Variants in LEKR1 observed in about 807,000 individuals in gnomAD.
The protein encoded by LEKR1 is leucine, glutamate and lysine rich 1.
Under a neutral mutation model 72.4 loss-of-function variants are expected in LEKR1, and 59 were observed. The ratio of observed to expected loss-of-function variants is 0.82; its 90% confidence interval spans 0.66 to 1.01. The LOEUF (loss-of-function observed/expected upper bound fraction) is 1.01. Ranked by LOEUF, LEKR1 falls within the 50% of genes least tolerant of loss-of-function variation. The probability of loss-of-function intolerance (pLI) is 0.00; values close to 1 mark genes in which losing one functional copy is unlikely to be tolerated. For missense variants in LEKR1, 728 were observed against 759.2 expected (o/e 0.96, Z 0.48); for synonymous variants, 257 against 263.2 (o/e 0.98, Z 0.23).
At chr3:156,883,253 C>A (rs548156538) in intron 3 of LEKR1, among the ~76,000 whole-genome samples, 1 of 152,166 alleles carries the variant, frequency 6.6e-6, no homozygotes, top group African/African-American at 2.4e-5. Context: ...GCCCATTTTC[C>A]CCATTTGGAA....
At chr3:157,026,802 A>G (rs1449179511) in intron 11 of LEKR1, among the ~76,000 whole-genome samples, 1 of 152,190 alleles carries the variant, frequency 6.6e-6, no homozygotes, top group African/African-American at 2.4e-5. Flanking sequence ...AGTAATAAAG[A>G]TATGTTTCAT....
Position 156,852,861 on chromosome 3 carries a change from G to GA in LEKR1, c.147dup (p.Glu50ArgfsTer12), listed in dbSNP as rs1369347151. On this transcript the variant is annotated frameshift_variant, in exon 3 of 13. Transcript: ENST00000356539. LOFTEE classifies it high-confidence loss of function. ...TATGGAAGAAAAAGTGAAAGCAATG[G>GA]AAAAAGAGATGAAATTTTATCAAGG... 9 of 1,534,688 alleles carry GA rather than the reference G, an allele frequency of 5.9e-6. No individual in the cohort carries two copies. The South Asian group carries it at 1.1e-4, about 18-fold the overall frequency.
In LEKR1 at chr3:156,920,768, C is replaced by T. The variant is rs1475032114; in HGVS notation, c.383+74C>T. 4 of 794,242 alleles carry T rather than the reference C, an allele frequency of 5.0e-6. No individual in the cohort carries two copies. In the African/African-American group the frequency reaches 5.5e-5, roughly 11 times the overall value. 49.2% of individuals were successfully genotyped at this position (794,242 alleles called of 1,614,324 possible). On this transcript the variant is annotated intron_variant, in intron 4 of 12. Coordinates refer to ENST00000356539, the MANE Select transcript of LEKR1 (RefSeq NM_001004316.3). The stretch of plus-strand genomic sequence containing the variant: ...TACTAACTTTGTAAATAGCCAAACA[C>T]ATTTTAGTAATATGGTTTCTATATC...
chr3:157,013,240 C>A (rs939193909), intron 10 of LEKR1, among the ~76,000 whole-genome samples: 1 of 152,102 alleles, frequency 6.6e-6, no homozygotes, highest in Non-Finnish European at 1.5e-5. Context: ...ATGGAGTAAA[C>A]TTTCCTGCTT....
chr3:157,021,864 TATTA>T (rs1319615024), intron 10 of LEKR1, among the ~76,000 whole-genome samples: 1 of 152,108 alleles, frequency 6.6e-6, no homozygotes, highest in Non-Finnish European at 1.5e-5. Context: ...ACTATGTGAC[TATTA>T]ATTATTAATA....
chr3:156,910,350 C>A (rs1722987850), intron 3 of LEKR1, among the ~76,000 whole-genome samples: 2 of 152,162 alleles, frequency 1.3e-5, no homozygotes, highest in Admixed American at 1.3e-4. Flanking sequence ...GTCTTTAGCT[C>A]TCACTTGTAA....
At chr3:156,837,107 G>C (rs1713250288) in intron 2 of LEKR1, among the ~76,000 whole-genome samples, 3 of 152,238 alleles carry the variant, frequency 2.0e-5, no homozygotes, top group Admixed American at 6.5e-5. Flanking sequence ...AGTTTCAGTA[G>C]TGACTTAATC....
intron 9 of LEKR1, among the ~76,000 whole-genome samples, chr3:157,008,022 T>C (rs1287328634): frequency 6.6e-6 from 1 of 152,232 alleles, no homozygotes; most frequent in Non-Finnish European, 1.5e-5. Flanking sequence ...AAGAAAGCCC[T>C]GAGTAAAATT....
chr3:156,867,317 A>G (rs989677658), intron 3 of LEKR1, among the ~76,000 whole-genome samples: 31 of 152,114 alleles, frequency 2.0e-4, no homozygotes, highest in Non-Finnish European at 1.6e-4. Flanking sequence ...TTCTTGAACA[A>G]TAAACTCAAT....
chr3:156,880,550 C>G lies in LEKR1; in HGVS notation c.263+27568C>G, dbSNP rs541022203. Among the ~76,000 whole-genome samples, 10 of 152,318 alleles carry G rather than the reference C, an allele frequency of 6.6e-5. 1 individual carries two copies. The South Asian group carries it at 2.1e-3, about 32-fold the overall frequency. ...AAGAGTCCAGGACCAGATGGATTCACAGCTGAATTCTACCAGAGGTACAAG... is the reference window on the plus strand; with the variant it reads ...AAGAGTCCAGGACCAGATGGATTCAGAGCTGAATTCTACCAGAGGTACAAG... On this transcript the variant is annotated intron_variant, in intron 3 of 12. Coordinates refer to ENST00000356539, the MANE Select transcript of LEKR1 (RefSeq NM_001004316.3).
chr3:156,942,121 C>G (rs1431573170), intron 5 of LEKR1, among the ~76,000 whole-genome samples: 1 of 151,766 alleles, frequency 6.6e-6, no homozygotes, highest in Non-Finnish European at 1.5e-5. Flanking sequence ...CTAGTTAACC[C>G]CTTAGAAATG....
At chr3:156,912,605 G>GC (rs1239905703) in intron 3 of LEKR1, among the ~76,000 whole-genome samples, 7 of 152,140 alleles carry the variant, frequency 4.6e-5, no homozygotes, top group Admixed American at 2.6e-4. Flanking sequence ...TCCCACTCAC[G>GC]CCTGGGTTCT....
At chr3:156,931,714 T>C (rs1725240999) in intron 5 of LEKR1, among the ~76,000 whole-genome samples, 1 of 152,134 alleles carries the variant, frequency 6.6e-6, no homozygotes, top group Non-Finnish European at 1.5e-5. Context: ...CTCAAAAATA[T>C]TATGGTACTT....
At chr3:156,839,249 C>G (rs577719064) in intron 2 of LEKR1, among the ~76,000 whole-genome samples, 6 of 152,308 alleles carry the variant, frequency 3.9e-5, no homozygotes, top group African/African-American at 1.4e-4. Context: ...AAGGAGATTG[C>G]TTTTTCTAGA....
At chr3:156,976,209 A>G (rs145546055) in intron 6 of LEKR1, among the ~76,000 whole-genome samples, 54 of 152,298 alleles carry the variant, frequency 3.5e-4, no homozygotes, top group African/African-American at 1.1e-3. Flanking sequence ...TGCCATTTTT[A>G]CTGTCTATTA....
chr3:156,832,693 T>G (rs1445254477), intron 2 of LEKR1, among the ~76,000 whole-genome samples: 1 of 152,198 alleles, frequency 6.6e-6, no homozygotes, highest in Non-Finnish European at 1.5e-5. Context: ...GGTCCCACAA[T>G]AACTTGGGAT....
At chr3:156,950,901 A>G (rs546822002) in intron 6 of LEKR1, among the ~76,000 whole-genome samples, 2 of 151,746 alleles carry the variant, frequency 1.3e-5, no homozygotes, top group East Asian at 3.9e-4. Context: ...TTCCAATGCT[A>G]TATCGAGTAG....
At chr3:156,839,148 C>T (rs1395890820) in intron 2 of LEKR1, among the ~76,000 whole-genome samples, 1 of 152,166 alleles carries the variant, frequency 6.6e-6, no homozygotes, top group Non-Finnish European at 1.5e-5. Flanking sequence ...CAGGACTGCC[C>T]TTATCTATAA....
chr3:157,016,809 A>G (rs1733380499), intron 10 of LEKR1, among the ~76,000 whole-genome samples: 2 of 152,200 alleles, frequency 1.3e-5, no homozygotes, highest in Admixed American at 1.3e-4. Flanking sequence ...TTACTGTGAG[A>G]TTCTTATACA....
Sources: allele counts gnomAD v4.1 joint callset (sites outside exome capture counted in the v4.1 genomes callset), GRCh38; gene constraint gnomAD v4.1.1; transcripts MANE v1.5; gene names NCBI Gene and HGNC (gene_info 2026-07-23, HGNC 2026-07-21).